RP1: variants seen among roughly 807,000 people sequenced by gnomAD.
The protein encoded by RP1 is RP1 axonemal microtubule associated.
Under a neutral mutation model 14.8 loss-of-function variants are expected in RP1, and 16 were observed. That is an observed-to-expected ratio of 1.08 (90% CI 0.73 to 1.65). RP1 has a LOEUF of 1.65. Ranked by LOEUF, RP1 falls within the 40% of genes most tolerant of loss-of-function variation. RP1 has a pLI of 0.00. For synonymous variants in RP1, 876 were observed against 883.6 expected, an observed-to-expected ratio of 0.99 and a Z score of 0.15; for missense variants, 2,631 against 2,535.0, an observed-to-expected ratio of 1.04 and a Z score of -0.81.
chr8:54,563,078 T>G (rs1804322828), intron 1 of RP1, among the ~76,000 whole-genome samples: 1 of 152,198 alleles, frequency 6.6e-6, no homozygotes, highest in Non-Finnish European at 1.5e-5. Flanking sequence ...CATCTGTTCC[T>G]CAAGCCTAAA....
At position 54,622,268 on chromosome 8, in the gene RP1, C is replaced by T. The variant is rs1217546156; in HGVS notation, c.767C>T (p.Ala256Val). 1 of 1,614,012 alleles carries T rather than the reference C, an allele frequency of 6.2e-7. No individual in the cohort carries two copies. Among genetic ancestry groups the T allele is most frequent in the Non-Finnish European group, 8.5e-7 (1 of 1,179,962 alleles). ...ISQRVYPKGNAKSESRKISTH... is the reference protein window; with the variant it reads ...ISQRVYPKGNVKSESRKISTH... ...CAGCGTGTGTACCCCAAGGGAAATG[C>T]AAAGTCAGAAAGCAGAAAGAGTAAG... Residue 256 changes from alanine to valine, a missense_variant, in exon 3 of 4, where the codon GCA (alanine) becomes GTA (valine). Ala to Val is a moderately conservative substitution (Grantham distance 64). Coordinates refer to ENST00000220676, the MANE Select transcript of RP1 (RefSeq NM_006269.2).
intron 25 of RP1, among the ~76,000 whole-genome samples, chr8:54,843,751 C>T (rs1811846773): frequency 6.6e-6 from 1 of 152,188 alleles, no homozygotes; most frequent in African/African-American, 2.4e-5. Flanking sequence ...CCCACCCTTG[C>T]TCCAGTCCTG....
In RP1 at chr8:54,628,446, G is replaced by A. The variant is rs762338185; in HGVS notation, c.4564G>A (p.Gly1522Ser). 173 of 1,612,876 alleles carry A rather than the reference G, an allele frequency of 1.1e-4. 1 individual carries two copies. The highest frequency in any genetic ancestry group is 1.4e-4 in the Non-Finnish European group (164 of 1,179,538). ...TATTATGGAAGAAAAAAGAATGAACGGTATAATTTATGAAATAATCAGTAA... is the reference window on the plus strand; with the variant it reads ...TATTATGGAAGAAAAAAGAATGAACAGTATAATTTATGAAATAATCAGTAA... ...KNIMEEKRMN[G>S]IIYEIISKRL... The change falls in exon 4 of 4, where the codon GGT becomes AGT. Residue 1522 changes from glycine to serine, a missense_variant. Gly to Ser is a moderately conservative substitution (Grantham distance 56, BLOSUM62 0). Transcript: ENST00000220676.
At chr8:54,676,944 A>AT (rs1227722901) in intron 8 of RP1, among the ~76,000 whole-genome samples, 4 of 151,908 alleles carry the variant, frequency 2.6e-5, no homozygotes, top group Middle Eastern at 3.2e-3. Context: ...CATTTTGGAG[A>AT]TTTTTTTCCA....
intron 1 of RP1, among the ~76,000 whole-genome samples, chr8:54,596,020 C>A (rs1021304587): frequency 3.3e-5 from 5 of 152,106 alleles, no homozygotes; most frequent in African/African-American, 1.2e-4. Context: ...TAAGTTTAGT[C>A]AAACAACAAG....
rs1338583978 is a variant in RP1 at position 54,626,633 on chromosome 8, G to C, written c.2751G>C (p.Gln917His). ...IAHHSIQNYI[Q>H]SWLQNINPYP... is the part of the protein sequence containing the mutation. ...ATCATTCAATTCAAAATTATATACAGAGTTGGTTGCAGAACATAAATCCAT... is the reference window on the plus strand; with the variant it reads ...ATCATTCAATTCAAAATTATATACACAGTTGGTTGCAGAACATAAATCCAT... Residue 917 changes from glutamine to histidine, a missense_variant, in exon 4 of 4, where the codon CAG (glutamine) becomes CAC (histidine). By Grantham distance (24) the Gln-to-His change is conservative. Coordinates refer to ENST00000220676, the MANE Select transcript of RP1 (RefSeq NM_006269.2). 15 of 1,613,660 alleles carry C rather than the reference G, an allele frequency of 9.3e-6. No homozygotes were observed. Among genetic ancestry groups the C allele is most frequent in the Non-Finnish European group, 1.3e-5 (15 of 1,179,922 alleles).
At chr8:54,659,985 A>G (rs1440059051) in intron 6 of RP1, among the ~76,000 whole-genome samples, 3 of 152,022 alleles carry the variant, frequency 2.0e-5, no homozygotes, top group Admixed American at 2.0e-4. Context: ...TTGTAAATGC[A>G]ATTGTTTTCT....
intron 19 of RP1, among the ~76,000 whole-genome samples, chr8:54,741,519 T>G (rs999031465): frequency 3.9e-5 from 6 of 151,940 alleles, no homozygotes; most frequent in Admixed American, 2.6e-4. Flanking sequence ...CCATATAGCC[T>G]AGGTATGTAG....
chr8:54,673,786 T>TA, intron 7 of RP1: 1 of 1,317,616 alleles, frequency 7.6e-7, no homozygotes, highest in Non-Finnish European at 1.0e-6. Flanking sequence ...GCATCTTAAT[T>TA]TATACTATTG....
chr8:54,567,384 G>T (rs1216529929), intron 1 of RP1, among the ~76,000 whole-genome samples: 4 of 152,030 alleles, frequency 2.6e-5, no homozygotes, highest in African/African-American at 7.2e-5. Flanking sequence ...ACTACAAAAG[G>T]CTTTATTTTT....
At position 54,862,709 on chromosome 8, in the gene RP1, C is replaced by T. The variant is rs188267989; in HGVS notation, c.4070-3126C>T. On this transcript the variant is annotated intron_variant, in intron 27 of 28. Coordinates refer to the RP1 transcript ENST00000637698. ...AGAGCTGGTTACAGCACATGAAAGA[C>T]GGAAAGTCCCCTGCAACACTGTCTT... Among the ~76,000 whole-genome samples, 37 of 152,162 alleles carry T rather than the reference C, an allele frequency of 2.4e-4. 1 individual carries two copies. The highest frequency in any genetic ancestry group is 2.1e-4 in the South Asian group (1 of 4,822).
chr8:54,604,356 G>A (rs1334583142), intron 1 of RP1, among the ~76,000 whole-genome samples: 4 of 152,142 alleles, frequency 2.6e-5, no homozygotes, highest in South Asian at 4.2e-4. Context: ...ATTTGTGTAT[G>A]TTGAACCAGC....
At chr8:54,755,945 A>G (rs1220575129) in intron 21 of RP1, among the ~76,000 whole-genome samples, 1 of 152,214 alleles carries the variant, frequency 6.6e-6, no homozygotes, top group Admixed American at 6.5e-5. Flanking sequence ...TGTTCTTGCA[A>G]GAAAAATGGG....
intron 1 of RP1, among the ~76,000 whole-genome samples, chr8:54,562,665 A>ACTC (rs975076269): frequency 2.0e-5 from 3 of 147,316 alleles, no homozygotes; most frequent in Non-Finnish European, 4.5e-5. Flanking sequence ...CAAGAGGGAA[A>ACTC]CTCCGTCTCA....
intron 12 of RP1, among the ~76,000 whole-genome samples, chr8:54,698,780 A>G (rs1807936149): frequency 6.6e-6 from 1 of 152,142 alleles, no homozygotes; most frequent in African/African-American, 2.4e-5. Flanking sequence ...CAGCAAAGTA[A>G]CACAAGAAGA....
At chr8:54,816,834 G>T (rs1364408785) in intron 24 of RP1, among the ~76,000 whole-genome samples, 2 of 152,190 alleles carry the variant, frequency 1.3e-5, no homozygotes, top group South Asian at 4.2e-4. Context: ...GCTTCCCCCA[G>T]GTCCCAACAG....
chr8:54,718,054 T>A (rs1808446559), intron 15 of RP1, among the ~76,000 whole-genome samples: 1 of 152,070 alleles, frequency 6.6e-6, no homozygotes, highest in Admixed American at 6.6e-5. Flanking sequence ...AACTAGAAAA[T>A]ACTGATGAAA....
intron 7 of RP1, among the ~76,000 whole-genome samples, chr8:54,665,120 A>G (rs1017644521): frequency 2.0e-5 from 3 of 152,120 alleles, no homozygotes; most frequent in African/African-American, 7.2e-5. Flanking sequence ...TTCATTCATC[A>G]CTGTCTTGAT....
At chr8:54,590,530 T>C (rs1805022652) in intron 1 of RP1, among the ~76,000 whole-genome samples, 1 of 152,160 alleles carries the variant, frequency 6.6e-6, no homozygotes, top group Non-Finnish European at 1.5e-5. Context: ...TCCTACCTTG[T>C]TTTCCTCTTA....
Sources: allele counts gnomAD v4.1 joint callset (sites outside exome capture counted in the v4.1 genomes callset), GRCh38; gene constraint gnomAD v4.1.1; transcripts MANE v1.5; gene names NCBI Gene and HGNC (gene_info 2026-07-23, HGNC 2026-07-21).